The following AHRR variants were observed in gnomAD, a reference collection of about 807,000 sequenced individuals.
AHRR encodes ahR repressor.
Under a neutral mutation model 44.0 loss-of-function variants are expected in AHRR, and 28 were observed. The ratio of observed to expected loss-of-function variants is 0.64; its 90% CI spans 0.47 to 0.87. The LOEUF (loss-of-function observed/expected upper bound fraction) is 0.87. Among genes scored for constraint, AHRR ranks in the 40% least tolerant of loss-of-function variants. The pLI is 0.00. For synonymous variants in AHRR, 434 were observed against 407.0 expected (o/e 1.07, Z -0.80); for missense variants, 990 against 953.9 (o/e 1.04, Z -0.50).
chr5:365,399 C>T (rs1309611461), intron 3 of AHRR, among the ~76,000 whole-genome samples: 3 of 151,982 alleles, frequency 2.0e-5, no homozygotes, highest in Admixed American at 1.3e-4. Flanking sequence ...TTGTATATAA[C>T]GCATAGGTCA....
intron 1 of AHRR, among the ~76,000 whole-genome samples, chr5:332,231 G>A (rs13170474): frequency 0.38 from 57,027 of 148,600 alleles, 12,393 homozygotes; most frequent in South Asian, 0.51. Flanking sequence ...AGGAAGAAGA[G>A]GAAAAAAAGA....
rs988853724 is a variant in AHRR, at chr5:352,403, C to G, written c.63-1327C>G. 8.2e-4 allele frequency among the ~76,000 whole-genome samples: 106 copies of G among 129,790 alleles called. 1 individual carries two copies. Among genetic ancestry groups the G allele is most frequent in the Admixed American group, 4.1e-3 (53 of 13,068 alleles). 85.1% of individuals were successfully genotyped at this position (129,790 alleles called of 152,430 possible). A position where few individuals can be genotyped will look rare whatever the true frequency, so the allele number is the denominator to read the frequency against. ...GGGTCAGCTGTAGGGGATGGTCACT[C>G]TGAGGTTAAATGGGTCAGCTGTAGG... On this transcript the variant is annotated intron_variant, in intron 2 of 10. Transcript: ENST00000684583.
At chr5:392,538 A>G (rs1734513576) in intron 4 of AHRR, among the ~76,000 whole-genome samples, 1 of 152,170 alleles carries the variant, frequency 6.6e-6, no homozygotes, top group Non-Finnish European at 1.5e-5. Context: ...AGCCAGGCCT[A>G]AAGACGGTGT....
chr5:401,366 G>A (rs1735007104), intron 4 of AHRR, among the ~76,000 whole-genome samples: 1 of 152,220 alleles, frequency 6.6e-6, no homozygotes, highest in South Asian at 2.1e-4. Flanking sequence ...ACAGGTGCCG[G>A]CTCTGGGCCA....
rs1742088887 is a variant in AHRR, at chr5:335,514, G to A, written c.-10-8379G>A. Among the ~76,000 whole-genome samples the A allele has an allele frequency of 4.6e-5, 7 of 152,198 alleles. No homozygotes were observed. The South Asian group carries it at 1.4e-3, about 31-fold the overall frequency. On this transcript the variant is annotated intron_variant, in intron 1 of 10. Coordinates refer to ENST00000684583, the MANE Select transcript of AHRR (RefSeq NM_001377236.1). ...CACACTCTGTCTTGTGGGCAGGCTG[G>A]GGAAGGGGGATGCTGGGCAGAGCTG...
chr5:408,965 G>A (rs184160804), intron 4 of AHRR, among the ~76,000 whole-genome samples: 132 of 152,212 alleles, frequency 8.7e-4, no homozygotes, highest in Middle Eastern at 3.4e-3. Flanking sequence ...TTGTACATAG[G>A]TCTTTCTCCC....
At chr5:329,399 T>G (rs1447913439) in intron 1 of AHRR, among the ~76,000 whole-genome samples, 1 of 152,170 alleles carries the variant, frequency 6.6e-6, no homozygotes, top group Non-Finnish European at 1.5e-5. Context: ...AGAGATGAGG[T>G]CTCACTGTGT....
intron 5 of AHRR, chr5:421,148 C>A (rs1279949155): frequency 1.8e-6 from 1 of 570,622 alleles, no homozygotes; most frequent in Non-Finnish European, 3.1e-6. Context: ...AGAGGAGCCG[C>A]CCCGCCTGGG....
rs781782367 is a variant in AHRR at position 353,925 on chromosome 5, C to T, written c.244+14C>T. On this transcript the variant is annotated intron_variant, in intron 3 of 10. Transcript: ENST00000684583. ...GCTTCTTCCAAGGTAGGACTCTCAC[C>T]TGCTCCCACCTGTTCACTTGAGTCA... The T allele has an allele frequency of 1.2e-6, 2 of 1,604,622 alleles. No homozygotes were observed. Among genetic ancestry groups the T allele is most frequent in the Admixed American group, 1.7e-5 (1 of 59,370 alleles).
chr5:420,968 C>T (rs1334830444), intron 5 of AHRR: 4 of 403,984 alleles, frequency 9.9e-6, no homozygotes, highest in Admixed American at 4.3e-5. Flanking sequence ...GCTGGCACCG[C>T]TGAACAGCCA....
chr5:353,953 C>G, intron 3 of AHRR, 42 bp downstream of exon 3: 1 of 1,576,530 alleles, frequency 6.3e-7, no homozygotes, highest in Non-Finnish European at 8.6e-7. Context: ...TTGAGTCAGG[C>G]TGTGTCTCCC....
chr5:375,479 C>T (rs552143234), intron 3 of AHRR, among the ~76,000 whole-genome samples: 3 of 152,348 alleles, frequency 2.0e-5, no homozygotes, highest in Admixed American at 6.5e-5. Context: ...GAAGCATGGC[C>T]GCCTGGGCTG....
intron 3 of AHRR, 53 bp from the exon 4 acceptor site, chr5:376,557 A>ATGTGAATGAACGAGAACG: frequency 7.0e-7 from 1 of 1,423,184 alleles, no homozygotes; most frequent in Non-Finnish European, 9.5e-7. Flanking sequence ...AATGAAGAAG[A>ATGTGAATGAACGAGAACG]GTGGCCAGGC....
chr5:337,479 A>G lies in AHRR; in HGVS notation c.-10-6414A>G. ...CTGCAGCCTTGACCTCCCAGGCTCA[A>G]GCGATACTCCTGCCTTAGTCTCCTG... On this transcript the variant is annotated intron_variant, in intron 1 of 10. Coordinates refer to ENST00000684583, the MANE Select transcript of AHRR (RefSeq NM_001377236.1). This position sits in a 1 kb window ranked among gnomAD's most constrained non-coding sequence, Gnocchi z 4.1. Among the ~76,000 whole-genome samples, 1 of 152,184 alleles carries G rather than the reference A, an allele frequency of 6.6e-6. No homozygotes were observed. The highest frequency in any genetic ancestry group is 1.9e-4 in the East Asian group (1 of 5,200).
rs1197425282 is a variant in AHRR, at chr5:405,932, G to A, written c.352-7412G>A. On this transcript the variant is annotated intron_variant, in intron 4 of 10. Transcript: ENST00000684583. This position sits in a 1 kb window ranked among gnomAD's most constrained non-coding sequence, Gnocchi z 4.5. The stretch of plus-strand genomic sequence containing the variant: ...CCTGAATTAGGCGTGGTGTGGCAGC[G>A]TCCAGGGAAGAACACGCAGCCTCTG... 2.0e-5 allele frequency among the ~76,000 whole-genome samples: 3 copies of A among 152,184 alleles called. No individual in the cohort carries two copies. Among genetic ancestry groups the A allele is most frequent in the African/African-American group, 4.8e-5 (2 of 41,446 alleles).
At chr5:403,727 A>G in intron 4 of AHRR, 4 of 1,212,748 alleles carry the variant, frequency 3.3e-6, no homozygotes, top group Middle Eastern at 2.2e-4. Flanking sequence ...TTTCCGTATT[A>G]AAATTACTGA....
chr5:427,784 C>T (rs1028645018), intron 7 of AHRR, 23 bp from the exon 8 acceptor site: 1 of 1,613,092 alleles, frequency 6.2e-7, no homozygotes, highest in East Asian at 2.2e-5. Context: ...AACACGCCTT[C>T]CTCTCTGTCT....
chr5:329,095 T>A lies in AHRR; in HGVS notation c.-11+7276T>A, dbSNP rs534664564. 5.9e-5 allele frequency among the ~76,000 whole-genome samples: 9 copies of A among 152,328 alleles called. No individual in the cohort carries two copies. In the South Asian group the frequency reaches 8.3e-4, roughly 14 times the overall value. On this transcript the variant is annotated intron_variant, in intron 1 of 10. Transcript: ENST00000684583. ...GTGAATTCTCATAAGATCTGATGGT[T>A]TGATAAATGGTAGTTTTTCCTGCGC... is the stretch of plus-strand genomic sequence containing the variant.
At position 340,686 on chromosome 5, in the gene AHRR, ATATTTTTTTTTTT is replaced by A. The variant is rs1560881604; in HGVS notation, c.-10-3205_-10-3193del. Among the ~76,000 whole-genome samples, 8 of 19,504 alleles carry A rather than the reference ATATTTTTTTTTTT, an allele frequency of 4.1e-4. No individual in the cohort carries two copies. In the South Asian group the frequency reaches 0.015, roughly 36 times the overall value. 12.8% of individuals were successfully genotyped at this position (19,504 alleles called of 152,430 possible). On this transcript the variant is annotated intron_variant, in intron 1 of 10. Transcript: ENST00000684583. ...ATATTATATATATATATATATATATATATTTTTTTTTTTTTTTTTTTTTTTTTGAGTTGGAGTT... is the reference window on the plus strand; with the variant it reads ...ATATTATATATATATATATATATATATTTTTTTTTTTTTTGAGTTGGAGTT...
Sources: allele counts gnomAD v4.1 joint callset (sites outside exome capture counted in the v4.1 genomes callset), GRCh38; gene constraint gnomAD v4.1.1; non-coding constraint Gnocchi (gnomAD v3.1); transcripts MANE v1.5; gene names NCBI Gene and HGNC (gene_info 2026-07-23, HGNC 2026-07-21).